The following AGBL1 variants were observed in gnomAD, a reference collection of about 807,000 sequenced individuals.
AGBL1 encodes the protein AGBL carboxypeptidase 1, also known as cytosolic carboxypeptidase 4.
Under a neutral mutation model 118.9 loss-of-function variants are expected in AGBL1, and 130 were observed. The ratio of observed to expected loss-of-function variants is 1.09; its 90% CI spans 0.95 to 1.26. The LOEUF is 1.26. AGBL1 is among the 50% of genes most tolerant of loss of function. The probability of loss-of-function intolerance (pLI) is 0.00; values close to 1 mark genes in which losing one functional copy is unlikely to be tolerated. For missense variants in AGBL1, 1,584 were observed against 1,298.1 expected (o/e 1.22, Z -3.38); for synonymous variants, 555 against 478.9 (o/e 1.16, Z -2.08).
intron 5 of AGBL1, among the ~76,000 whole-genome samples, chr15:86,184,066 T>C (rs985314620): frequency 3.9e-5 from 6 of 152,168 alleles, no homozygotes; most frequent in African/African-American, 1.4e-4. Flanking sequence ...CAGAAAGAGA[T>C]AAAGTGTTAT....
chr15:87,030,775 TAGAA>T (rs2081775550), downstream of AGBL1, among the ~76,000 whole-genome samples: 1 of 151,988 alleles, frequency 6.6e-6, no homozygotes, highest in Non-Finnish European at 1.5e-5. Flanking sequence ...TTTTCTCCAT[TAGAA>T]AGCTATCCCA....
chr15:86,336,430 A>G (rs1305982596), intron 17 of AGBL1, among the ~76,000 whole-genome samples: 1 of 152,260 alleles, frequency 6.6e-6, no homozygotes, highest in Non-Finnish European at 1.5e-5. Context: ...AGCATGAGAG[A>G]ATCAAACAAG....
chr15:86,984,656 G>A (rs571579169), intron 23 of AGBL1, among the ~76,000 whole-genome samples: 19 of 152,086 alleles, frequency 1.2e-4, no homozygotes, highest in African/African-American at 3.9e-4. Context: ...GAGCCACCAC[G>A]CCCGGCCTGT....
At chr15:86,838,837 G>A (rs751009332) in intron 22 of AGBL1, among the ~76,000 whole-genome samples, 3 of 150,162 alleles carry the variant, frequency 2.0e-5, no homozygotes, top group East Asian at 2.0e-4. Flanking sequence ...CCAGCTACTC[G>A]GGAGGCTGAG....
chr15:86,608,454 G>A (rs1200957084), intron 21 of AGBL1, among the ~76,000 whole-genome samples: 5 of 152,152 alleles, frequency 3.3e-5, no homozygotes, highest in African/African-American at 1.2e-4. Flanking sequence ...TTTCTCTGTT[G>A]ATAAGACACT....
At chr15:86,337,625 A>G (rs2080393600) in intron 17 of AGBL1, among the ~76,000 whole-genome samples, 2 of 152,122 alleles carry the variant, frequency 1.3e-5, no homozygotes, top group South Asian at 2.1e-4. Context: ...CAAACACCAC[A>G]TGTTCCGACT....
chr15:86,484,630 C>T (rs1317230904), intron 18 of AGBL1, among the ~76,000 whole-genome samples: 1 of 152,010 alleles, frequency 6.6e-6, no homozygotes, highest in Admixed American at 6.6e-5. Flanking sequence ...TGAGTACTCT[C>T]TCACCCTTGG....
intron 22 of AGBL1, among the ~76,000 whole-genome samples, chr15:86,712,308 A>G (rs1368227298): frequency 6.6e-6 from 1 of 151,642 alleles, no homozygotes; most frequent in Non-Finnish European, 1.5e-5. Context: ...TTGTCTCTCT[A>G]TTATGTTTCT....
intron 17 of AGBL1, among the ~76,000 whole-genome samples, chr15:86,343,371 T>C (rs915435080): frequency 2.6e-5 from 4 of 152,170 alleles, no homozygotes; most frequent in Non-Finnish European, 4.4e-5. Flanking sequence ...TTGTCGTTTC[T>C]AAGTACCTGT....
At chr15:86,633,377 G>C (rs2881460) in intron 21 of AGBL1, among the ~76,000 whole-genome samples, 17,533 of 152,006 alleles carry the variant, frequency 0.12, 1,156 homozygotes, top group East Asian at 0.15. Flanking sequence ...CTGCTGCTAA[G>C]TTAAAAAAAT....
chr15:86,832,342 G>A (rs1055820687), intron 22 of AGBL1, among the ~76,000 whole-genome samples: 5 of 152,136 alleles, frequency 3.3e-5, no homozygotes, highest in Non-Finnish European at 7.3e-5. Context: ...CCATCATCAG[G>A]CTGCAAATTT....
chr15:86,655,546 C>T (rs995738691), intron 21 of AGBL1, among the ~76,000 whole-genome samples: 1 of 152,070 alleles, frequency 6.6e-6, no homozygotes, highest in Non-Finnish European at 1.5e-5. Context: ...ATTTGTAAAG[C>T]ATCTTATATT....
intron 17 of AGBL1, among the ~76,000 whole-genome samples, chr15:86,375,214 A>T (rs77006601): frequency 5.3e-5 from 8 of 152,182 alleles, no homozygotes; most frequent in Non-Finnish European, 1.2e-4. Flanking sequence ...TATAAAGAAA[A>T]GAGGTTTAAT....
In AGBL1 at chr15:86,099,208, T is replaced by C. The variant is rs140851067; in HGVS notation, c.51+19185T>C. 3.6e-4 allele frequency among the ~76,000 whole-genome samples: 54 copies of C among 151,966 alleles called. 1 individual carries two copies. The highest frequency in any genetic ancestry group is 1.5e-3 in the Admixed American group (23 of 15,274). On this transcript the variant is annotated intron_variant, in intron 1 of 22. Transcript: ENST00000614907. The stretch of plus-strand genomic sequence containing the variant: ...AAGAGCAAAACAAACCCAGAATGAG[T>C]AGAAGGAAATAACTAATAAAAATCA...
intron 17 of AGBL1, among the ~76,000 whole-genome samples, chr15:86,303,047 G>A (rs982437147): frequency 1.3e-5 from 2 of 152,122 alleles, no homozygotes; most frequent in Admixed American, 6.6e-5. Flanking sequence ...GGAGGATAGT[G>A]GTGTCATGGA....
At position 86,817,510 on chromosome 15, in the gene AGBL1, AAG is replaced by A. The variant is rs1421462370; in HGVS notation, c.3159-89573_3159-89572del. Among the ~76,000 whole-genome samples, 11 of 127,838 alleles carry A rather than the reference AAG, an allele frequency of 8.6e-5. No individual in the cohort carries two copies. The East Asian group carries it at 9.6e-4, about 11-fold the overall frequency. 83.9% of individuals were successfully genotyped at this position (127,838 alleles called of 152,430 possible). ...CACACACAGAGGAGAGAGAGAGAGAAAGAGACAGGCATACACACACACACACA... is the reference window on the plus strand; with the variant it reads ...CACACACAGAGGAGAGAGAGAGAGAAAGACAGGCATACACACACACACACA... On this transcript the variant is annotated intron_variant, in intron 22 of 22. Coordinates refer to ENST00000614907, the MANE Select transcript of AGBL1 (RefSeq NM_001386094.1).
chr15:86,570,773 G>A (rs1203627339), intron 21 of AGBL1, among the ~76,000 whole-genome samples: 6 of 152,098 alleles, frequency 3.9e-5, no homozygotes, highest in African/African-American at 4.8e-5. Flanking sequence ...TTGGGGTGTC[G>A]CTTTTCTGGC....
intron 1 of AGBL1, among the ~76,000 whole-genome samples, chr15:86,129,415 G>A (rs1336582133): frequency 2.0e-5 from 3 of 152,150 alleles, no homozygotes; most frequent in East Asian, 3.8e-4. Flanking sequence ...AAAGCTCCAA[G>A]CCCTAAAGCA....
intron 5 of AGBL1, among the ~76,000 whole-genome samples, chr15:86,209,922 C>T (rs978949813): frequency 2.6e-5 from 4 of 152,160 alleles, no homozygotes; most frequent in African/African-American, 9.7e-5. Flanking sequence ...ATGGTCTTTA[C>T]AATTTGGCAT....
Sources: allele counts gnomAD v4.1 joint callset (sites outside exome capture counted in the v4.1 genomes callset), GRCh38; gene constraint gnomAD v4.1.1; transcripts MANE v1.5; gene names NCBI Gene and HGNC (gene_info 2026-07-23, HGNC 2026-07-21).